Variants in NBPF12 observed in about 807,000 individuals in gnomAD.
NBPF12 encodes NBPF family member NBPF12.
NBPF12 carries 115 observed loss-of-function variants against 146.4 expected under a neutral mutation model. The observed-to-expected ratio is 0.79, with a 90% CI of 0.68 to 0.92. The LOEUF is 0.92. Ranked by LOEUF, NBPF12 falls within the 40% of genes least tolerant of loss-of-function variation. NBPF12 has a pLI of 0.00. For missense variants in NBPF12, 1,205 were observed against 1,326.8 expected (o/e 0.91, Z 1.43); for synonymous variants, 385 against 508.9 (o/e 0.76, Z 3.28).
Position 146,970,792 on chromosome 1 carries a change from G to T in NBPF12, c.1379+73G>T, listed in dbSNP as rs1344102544. On this transcript the variant is annotated intron_variant, in intron 12 of 33. Transcript: ENST00000617844. Reference sequence around the variant, plus strand: ...ATGTCTAGGAGGCATGCCCTCTCTGGCATCTATGATGGGCCAAAAGCCCGC... The same window carrying T: ...ATGTCTAGGAGGCATGCCCTCTCTGTCATCTATGATGGGCCAAAAGCCCGC... 54 of 1,216,654 alleles carry T rather than the reference G, an allele frequency of 4.4e-5. No homozygotes were observed. In the Admixed American group the frequency reaches 6.6e-4, roughly 15 times the overall value. 75.4% of individuals were successfully genotyped at this position (1,216,654 alleles called of 1,614,324 possible).
intron 8 of NBPF12, among the ~76,000 whole-genome samples, 194 bp from the exon 12 acceptor site, chr1:146,966,270 C>A (rs1225843299): frequency 2.0e-5 from 3 of 151,878 alleles, no homozygotes; most frequent in Admixed American, 6.6e-5. Context: ...TTATGTCCTG[C>A]TTTAAAGGTG....
intron 2 of NBPF12, among the ~76,000 whole-genome samples, chr1:146,954,619 A>G (rs1319346093): frequency 6.6e-6 from 1 of 150,396 alleles, no homozygotes; most frequent in Non-Finnish European, 1.5e-5. Flanking sequence ...TTTTGGTAGA[A>G]ATTTTCAAGC....
At position 146,989,509 on chromosome 1, in the gene NBPF12, T is replaced by A. The variant is rs1478761078; in HGVS notation, c.3399-65T>A. 7 of 1,254,718 alleles carry A rather than the reference T, an allele frequency of 5.6e-6. No homozygotes were observed. In the Admixed American group the frequency reaches 1.2e-4, roughly 21 times the overall value. The allele number at this position is 1,254,718 out of a possible 1,614,324, so 77.7% of individuals were successfully genotyped here. On this transcript the variant is annotated intron_variant, in intron 27 of 33. Transcript: ENST00000617844. ...CCACTTCCTTATGTTAGCCATGAAA[T>A]CTAGCTGGGGCTGTGTGATTTCTGA...
intron 13 of NBPF12, among the ~76,000 whole-genome samples, chr1:146,971,951 G>T (rs1398665456): frequency 6.7e-6 from 1 of 148,912 alleles, no homozygotes; most frequent in African/African-American, 2.5e-5. Flanking sequence ...AGCTGGGCGC[G>T]GTGTTGGGTG....
intron 19 of NBPF12, among the ~76,000 whole-genome samples, chr1:146,980,366 G>T (rs2101899237): frequency 6.6e-6 from 1 of 152,196 alleles, no homozygotes; most frequent in East Asian, 1.9e-4. Context: ...TATGATGTTT[G>T]CTGGTTATTT....
chr1:146,969,280 G>A (rs1176359481), intron 10 of NBPF12, 102 bp from the exon 14 acceptor site: 13 of 801,236 alleles, frequency 1.6e-5, no homozygotes, highest in East Asian at 2.5e-5. Context: ...CTTCTGCTTG[G>A]AGGTCTCCTT....
At chr1:146,957,997 A>G (rs1377823977) in intron 2 of NBPF12, among the ~76,000 whole-genome samples, 3,213 of 123,502 alleles carry the variant, frequency 0.026, 405 homozygotes, top group African/African-American at 0.086. Context: ...GTATATATAT[A>G]TATACATGTG....
At chr1:146,962,205 G>A in exon 5 of NBPF12, 3 of 1,608,554 alleles carry the variant, frequency 1.9e-6, no homozygotes, top group African/African-American at 1.3e-5. Context: ...GCTGAGGAAT[G>A]AGCGACAGTT....
At chr1:146,948,954 G>A (rs1299674294), upstream of NBPF12, among the ~76,000 whole-genome samples, 1 of 151,546 alleles carries the variant, frequency 6.6e-6, no homozygotes, top group African/African-American at 2.4e-5. Flanking sequence ...AGATGTTTAT[G>A]TATATGCACA....
chr1:146,970,240 G>A (rs1450240803), intron 11 of NBPF12, among the ~76,000 whole-genome samples: 2 of 150,336 alleles, frequency 1.3e-5, no homozygotes, highest in African/African-American at 2.5e-5. Context: ...GTCTCATGAC[G>A]AATAGAGGAC....
chr1:146,965,163 G>C (rs1249636159), intron 8 of NBPF12, 59 bp downstream of exon 11: 1 of 988,020 alleles, frequency 1.0e-6, no homozygotes, highest in East Asian at 2.4e-5. Context: ...GATCAATTCT[G>C]AGGACAGGCT....
At chr1:146,961,320 A>G (rs1270929481) in intron 4 of NBPF12, among the ~76,000 whole-genome samples, 2 of 151,566 alleles carry the variant, frequency 1.3e-5, no homozygotes, top group Non-Finnish European at 2.9e-5. Flanking sequence ...AGGGACCCTC[A>G]GCCTGTCTCC....
At chr1:146,962,162 G>C in exon 5 of NBPF12, 3 of 1,608,706 alleles carry the variant, frequency 1.9e-6, no homozygotes, top group Admixed American at 3.3e-5. Context: ...TTTTCTCAGA[G>C]TATGAAGAGT....
rs1262745884 is a variant in NBPF12, at chr1:146,965,100, C to G, written c.774C>G (p.Leu258=). Reference sequence around the variant, plus strand: ...AATGTCAGGATGCTCTAAACATTCTCCCAGGTAGCCTCTATTTTCCTTGTG... The same window carrying G: ...AATGTCAGGATGCTCTAAACATTCTGCCAGGTAGCCTCTATTTTCCTTGTG... The change falls in exon 8 of 34, where the codon CTC becomes CTG. Residue 258 remains leucine, a synonymous_variant. Coordinates refer to ENST00000617844, the Ensembl canonical transcript of NBPF12. 13 of 1,575,768 alleles carry G rather than the reference C, an allele frequency of 8.2e-6. No homozygotes were observed. The African/African-American group carries it at 1.6e-4, about 19-fold the overall frequency.
intron 8 of NBPF12, among the ~76,000 whole-genome samples, chr1:146,965,670 T>C (rs1656145032): frequency 6.8e-6 from 1 of 148,134 alleles, no homozygotes; most frequent in African/African-American, 2.5e-5. Context: ...TGGGCACCTG[T>C]AGTCCCAGCT....
intron 1 of NBPF12, among the ~76,000 whole-genome samples, chr1:146,951,084 G>A (rs1297684932): frequency 2.6e-5 from 4 of 152,000 alleles, no homozygotes; most frequent in Non-Finnish European, 4.4e-5. Context: ...CTATATACAT[G>A]TAATTTTTTC....
rs1268838082 is a variant in NBPF12 at position 146,962,278 on chromosome 1, T to C, written c.278+15T>C. The C allele has an allele frequency of 1.3e-6, 2 of 1,598,100 alleles. No individual in the cohort carries two copies. The highest frequency in any genetic ancestry group is 1.7e-6 in the Non-Finnish European group (2 of 1,174,102). Reference sequence around the variant, plus strand: ...GAGGAGCTCAGGTGAGGGGACCCCATGGGGGGAGGCAGGCGGGTAGGTGTG... The same window carrying C: ...GAGGAGCTCAGGTGAGGGGACCCCACGGGGGGAGGCAGGCGGGTAGGTGTG... On this transcript the variant is annotated intron_variant, in intron 5 of 33. Coordinates refer to ENST00000617844, the Ensembl canonical transcript of NBPF12.
In NBPF12 at chr1:146,984,104, G is replaced by A. The variant is rs1212541400; in HGVS notation, c.2615-30G>A. The stretch of plus-strand genomic sequence containing the variant: ...TGTGTGCAAGGAAGAACTGCCTAAT[G>A]TAAGAGGCCCCATCTGAATTTATTT... On this transcript the variant is annotated intron_variant, in intron 20 of 33. Coordinates refer to ENST00000617844, the Ensembl canonical transcript of NBPF12. 12 of 744,506 alleles carry A rather than the reference G, an allele frequency of 1.6e-5. No homozygotes were observed. The African/African-American group carries it at 2.7e-4, about 17-fold the overall frequency. The allele number at this position is 744,506 out of a possible 1,614,324, so 46.1% of individuals were successfully genotyped here.
chr1:146,962,787 A>G (rs1203051890), intron 5 of NBPF12, among the ~76,000 whole-genome samples: 2 of 149,804 alleles, frequency 1.3e-5, no homozygotes, highest in Non-Finnish European at 3.0e-5. Context: ...GGAAATGTCC[A>G]TGGCCAGAGT....
Sources: allele counts gnomAD v4.1 joint callset (sites outside exome capture counted in the v4.1 genomes callset), GRCh38; gene constraint gnomAD v4.1.1; transcripts MANE v1.5; gene names NCBI Gene and HGNC (gene_info 2026-07-23, HGNC 2026-07-21).